The following DNAH7 variants were observed in gnomAD, a reference collection of about 807,000 sequenced individuals.
DNAH7 encodes the protein axonemal beta dynein heavy chain 7.
DNAH7 carries 397 observed loss-of-function variants against 444.6 expected under a neutral mutation model. The observed-to-expected ratio is 0.89, with a 90% CI of 0.82 to 0.97. DNAH7 has a LOEUF of 0.97. Ranked by LOEUF, DNAH7 falls within the 50% of genes least tolerant of loss-of-function variation. DNAH7 has a pLI of 0.00. For synonymous variants in DNAH7, 1,636 were observed against 1,624.4 expected (o/e 1.01, Z -0.17); for missense variants, 4,902 against 4,800.8 (o/e 1.02, Z -0.62).
At chr2:195,986,869 T>C (rs1192981915) in intron 14 of DNAH7, among the ~76,000 whole-genome samples, 197 bp downstream of exon 14, 1 of 152,112 alleles carries the variant, frequency 6.6e-6, no homozygotes, top group Non-Finnish European at 1.5e-5. Context: ...GGAGGCACAT[T>C]TGTGGTGAAA....
Position 195,799,369 on chromosome 2 carries a change from C to T in DNAH7, c.10280G>A (p.Cys3427Tyr). 1.2e-6 allele frequency: 2 copies of T among 1,612,360 alleles called. No homozygotes were observed. The highest frequency in any genetic ancestry group is 1.7e-6 in the Non-Finnish European group (2 of 1,179,176). Residue 3427 changes from cysteine (C) to tyrosine (Y), a missense_variant, in exon 55 of 65, where the codon TGT becomes TAT. Transcript: ENST00000312428. ...LAKAFGDSNC[C>Y]APLIFVLSPG... ...AGAGAGCACGAAAATCAGTGGTGCA[C>T]AGCAGTTACTGTCTCCAAATGCCTT... is the stretch of plus-strand genomic sequence containing the variant.
At chr2:195,829,520 C>A (rs1202662653) in intron 48 of DNAH7, among the ~76,000 whole-genome samples, 1 of 151,956 alleles carries the variant, frequency 6.6e-6, no homozygotes, top group African/African-American at 2.4e-5. Flanking sequence ...TTTTTAAAAT[C>A]TAATTTGCTC....
intron 58 of DNAH7, among the ~76,000 whole-genome samples, chr2:195,778,837 T>C (rs1233921329): frequency 8.4e-5 from 10 of 118,862 alleles, no homozygotes; most frequent in African/African-American, 3.3e-4. Context: ...ATATACACAA[T>C]TGTACACTTT....
At chr2:195,750,355 T>C (rs879285901) in intron 63 of DNAH7, among the ~76,000 whole-genome samples, 1 of 152,204 alleles carries the variant, frequency 6.6e-6, no homozygotes, top group Non-Finnish European at 1.5e-5. Context: ...GCAATGCTTA[T>C]AAATTCAGTC....
At chr2:195,833,533 G>C (rs1698172147) in intron 48 of DNAH7, among the ~76,000 whole-genome samples, 1 of 152,084 alleles carries the variant, frequency 6.6e-6, no homozygotes, top group East Asian at 1.9e-4. Context: ...ACCTTTATTT[G>C]GCCATGTAAA....
intron 19 of DNAH7, among the ~76,000 whole-genome samples, chr2:195,952,663 G>A (rs1308543980): frequency 6.6e-6 from 1 of 151,618 alleles, no homozygotes; most frequent in African/African-American, 2.4e-5. Flanking sequence ...TTGTCTTCAT[G>A]CTTTATTTCA....
intron 40 of DNAH7, among the ~76,000 whole-genome samples, chr2:195,866,966 T>C (rs1700378724): frequency 6.6e-6 from 1 of 152,222 alleles, no homozygotes. Flanking sequence ...TCTTCTCCTG[T>C]CTGCCACCAT....
At chr2:195,826,175 A>C (rs1697737310) in intron 48 of DNAH7, among the ~76,000 whole-genome samples, 1 of 152,246 alleles carries the variant, frequency 6.6e-6, no homozygotes, top group Non-Finnish European at 1.5e-5. Context: ...CTAGAAGTAG[A>C]ATTAATGGTC....
chr2:196,002,707 A>T (rs1361334429), intron 10 of DNAH7, among the ~76,000 whole-genome samples: 1 of 152,152 alleles, frequency 6.6e-6, no homozygotes, highest in Non-Finnish European at 1.5e-5. Flanking sequence ...GTTGTAGAAG[A>T]TATAAAAAAT....
At chr2:195,916,975 G>A (rs563666478) in intron 24 of DNAH7, among the ~76,000 whole-genome samples, 6 of 151,792 alleles carry the variant, frequency 4.0e-5, no homozygotes, top group Non-Finnish European at 5.9e-5. Context: ...GGTGGCGGGC[G>A]CCTGTAGTCC....
At chr2:195,937,014 C>T (rs964957181) in intron 19 of DNAH7, among the ~76,000 whole-genome samples, 3 of 152,034 alleles carry the variant, frequency 2.0e-5, no homozygotes, top group East Asian at 1.9e-4. Context: ...CTGTTCATAA[C>T]GATTCTCATT....
intron 12 of DNAH7, among the ~76,000 whole-genome samples, chr2:195,992,010 G>A (rs1693372255): frequency 6.6e-6 from 1 of 152,122 alleles, no homozygotes. Flanking sequence ...AATAAATACA[G>A]CATTACCTTA....
intron 18 of DNAH7, among the ~76,000 whole-genome samples, chr2:195,959,113 T>C (rs931004666): frequency 6.6e-6 from 1 of 152,164 alleles, no homozygotes; most frequent in Non-Finnish European, 1.5e-5. Flanking sequence ...AACTTAGATG[T>C]GGCATAGTCT....
At chr2:195,786,770 G>T (rs1695644936) in intron 58 of DNAH7, among the ~76,000 whole-genome samples, 1 of 152,142 alleles carries the variant, frequency 6.6e-6, no homozygotes, top group East Asian at 1.9e-4. Flanking sequence ...CTAAGTGTTT[G>T]TGTGTCAAAA....
At chr2:195,863,129 C>G (rs1276543383) in intron 41 of DNAH7, among the ~76,000 whole-genome samples, 1 of 152,230 alleles carries the variant, frequency 6.6e-6, no homozygotes, top group East Asian at 1.9e-4. Context: ...AGACAAGAAG[C>G]TCAAGGAGAG....
intron 55 of DNAH7, among the ~76,000 whole-genome samples, chr2:195,798,797 C>T (rs945453765): frequency 4.6e-5 from 7 of 151,956 alleles, no homozygotes; most frequent in African/African-American, 7.3e-5. Flanking sequence ...CTGCCCGCCT[C>T]GGCCTCCCAA....
chr2:195,904,965 G>A (rs1386434460), intron 27 of DNAH7: 1 of 152,136 alleles, frequency 6.6e-6, no homozygotes, highest in African/African-American at 2.4e-5. Context: ...ATGCTCTGTA[G>A]AAGCTTGAAC....
chr2:195,888,472 G>C (rs1298833236), intron 32 of DNAH7, 38 bp from the exon 33 acceptor site: 7 of 1,542,154 alleles, frequency 4.5e-6, no homozygotes, highest in Non-Finnish European at 6.1e-6. Flanking sequence ...AGGTAATAAT[G>C]CTTATAAAAT....
At chr2:195,772,036 G>T in intron 60 of DNAH7, 146 bp from the exon 61 acceptor site, 1 of 710,494 alleles carries the variant, frequency 1.4e-6, no homozygotes, top group Non-Finnish European at 2.4e-6. Flanking sequence ...ATTTATTAAA[G>T]TGATGGTAAC....
Sources: gnomAD v4.1 joint callset for allele counts (sites outside exome capture counted in the v4.1 genomes callset) on GRCh38, gnomAD v4.1.1 for gene constraint, MANE v1.5 for transcripts, NCBI Gene and HGNC (gene_info 2026-07-23, HGNC 2026-07-21) for gene names.